Variants in TRPM3 observed in about 807,000 individuals in gnomAD.
TRPM3 encodes transient receptor potential cation channel subfamily M member 3, also known as long transient receptor potential channel 3.
TRPM3 carries 77 observed loss-of-function variants against 181.2 expected under a neutral mutation model. The ratio of observed to expected loss-of-function variants is 0.42; its 90% CI spans 0.35 to 0.51. TRPM3 has a LOEUF of 0.51. Among genes scored for constraint, TRPM3 ranks in the 20% least tolerant of loss-of-function variants. The pLI, the probability that TRPM3 is intolerant of heterozygous loss-of-function variation, is 0.01. For synonymous variants in TRPM3, 745 were observed against 796.4 expected, an observed-to-expected ratio of 0.94 and a Z score of 1.09; for missense variants, 1,759 against 2,196.7, an observed-to-expected ratio of 0.80 and a Z score of 3.98.
chr9:70,939,365 A>AT lies in TRPM3; in HGVS notation c.178-74855dup, dbSNP rs147766991. 5.1e-3 allele frequency among the ~76,000 whole-genome samples: 773 copies of AT among 152,238 alleles called. 8 individuals carry two copies. Among genetic ancestry groups the AT allele is most frequent in the African/African-American group, 0.018 (756 of 41,534 alleles). On this transcript the variant is annotated intron_variant, in intron 1 of 25. Transcript: ENST00000677713. ...GAAACTTCTCTCAGGTGTCAATAGTATTTTCTCCCTTTTTCTCATATATGT... is the reference window on the plus strand; with the variant it reads ...GAAACTTCTCTCAGGTGTCAATAGTATTTTTCTCCCTTTTTCTCATATATGT...
At chr9:70,829,445 A>T (rs1204312662) in intron 5 of TRPM3, among the ~76,000 whole-genome samples, 1 of 152,184 alleles carries the variant, frequency 6.6e-6, no homozygotes, top group African/African-American at 2.4e-5. Context: ...ATTGAAAAAA[A>T]ATCCTTTCTT....
intron 1 of TRPM3, among the ~76,000 whole-genome samples, chr9:71,214,751 A>G (rs557004918): frequency 2.6e-5 from 4 of 152,168 alleles, no homozygotes; most frequent in South Asian, 4.1e-4. Flanking sequence ...GACTAACAAC[A>G]TATTCCTGAA....
intron 6 of TRPM3, among the ~76,000 whole-genome samples, chr9:70,786,940 C>T (rs1163712226): frequency 3.9e-5 from 6 of 152,086 alleles, no homozygotes; most frequent in Non-Finnish European, 4.4e-5. Context: ...TCAGTGTTCT[C>T]GTGGAGGGAG....
At chr9:71,078,258 A>AGAAGG (rs557584999) in intron 1 of TRPM3, among the ~76,000 whole-genome samples, 50 of 152,194 alleles carry the variant, frequency 3.3e-4, no homozygotes, top group Non-Finnish European at 6.5e-4. Context: ...AATGAGACAG[A>AGAAGG]GAAGGGTATC....
chr9:70,783,552 AG>A (rs887649499), intron 7 of TRPM3, among the ~76,000 whole-genome samples: 10 of 152,146 alleles, frequency 6.6e-5, no homozygotes, highest in African/African-American at 9.7e-5. Flanking sequence ...AAAGGGCATG[AG>A]GGGTTCAACA....
At chr9:71,427,043 T>G (rs2093876271) in intron 1 of TRPM3, among the ~76,000 whole-genome samples, 1 of 152,218 alleles carries the variant, frequency 6.6e-6, no homozygotes, top group Non-Finnish European at 1.5e-5. Flanking sequence ...GTATTGCTCC[T>G]GGTTAGTGCA....
intron 1 of TRPM3, among the ~76,000 whole-genome samples, chr9:71,361,487 C>T (rs1430203919): frequency 6.6e-6 from 1 of 152,104 alleles, no homozygotes; most frequent in Non-Finnish European, 1.5e-5. Context: ...ATGCTTTGTC[C>T]CTGTGCCTGA....
intron 1 of TRPM3, among the ~76,000 whole-genome samples, chr9:71,117,371 A>G (rs77287164): frequency 0.014 from 2,085 of 152,268 alleles, 40 homozygotes; most frequent in African/African-American, 0.048. Flanking sequence ...AGGTGGGTGA[A>G]AATGTAATCG....
intron 1 of TRPM3, among the ~76,000 whole-genome samples, chr9:71,317,800 T>G (rs574273267): frequency 4.5e-4 from 69 of 152,342 alleles, no homozygotes; most frequent in Middle Eastern, 3.4e-3. Flanking sequence ...AAAATACTTT[T>G]GTATTTATAA....
At chr9:70,602,876 C>A (rs17055375) in intron 20 of TRPM3, among the ~76,000 whole-genome samples, 1 of 152,108 alleles carries the variant, frequency 6.6e-6, no homozygotes, top group Non-Finnish European at 1.5e-5. Context: ...CCAGCAGGTA[C>A]GAGCAGAATG....
chr9:70,933,196 A>G (rs1265849124), intron 1 of TRPM3, among the ~76,000 whole-genome samples: 1 of 152,154 alleles, frequency 6.6e-6, no homozygotes, highest in Non-Finnish European at 1.5e-5. Context: ...TAAGGTAGAG[A>G]TATCTAGGAG....
chr9:70,673,283 A>ATT (rs10671256), intron 9 of TRPM3, among the ~76,000 whole-genome samples: 98,641 of 151,444 alleles, frequency 0.65, 32,443 homozygotes, highest in African/African-American at 0.74. Context: ...CTGATGACCA[A>ATT]TTTGCTTCAT....
intron 1 of TRPM3, among the ~76,000 whole-genome samples, chr9:71,016,732 AT>A (rs921982421): frequency 2.1e-4 from 32 of 151,492 alleles, no homozygotes; most frequent in Middle Eastern, 3.4e-3. Context: ...TTATGATACA[AT>A]TTTTTTTTCC....
intron 1 of TRPM3, among the ~76,000 whole-genome samples, chr9:71,431,676 A>G (rs1043413877): frequency 1.3e-5 from 2 of 152,196 alleles, no homozygotes; most frequent in African/African-American, 4.8e-5. Context: ...ACCTTTTCCC[A>G]GCTGACCTTG....
chr9:71,009,157 A>G (rs2097709644), intron 1 of TRPM3, among the ~76,000 whole-genome samples: 1 of 152,174 alleles, frequency 6.6e-6, no homozygotes, highest in African/African-American at 2.4e-5. Flanking sequence ...GATCTGGAAC[A>G]AGACAAGGGT....
chr9:70,901,037 C>T (rs1374243245), intron 1 of TRPM3, among the ~76,000 whole-genome samples: 2 of 152,196 alleles, frequency 1.3e-5, no homozygotes, highest in Non-Finnish European at 2.9e-5. Flanking sequence ...TGCCTTAACA[C>T]TATCCTTTGC....
At chr9:71,063,793 C>T (rs897615238) in intron 1 of TRPM3, among the ~76,000 whole-genome samples, 4 of 152,098 alleles carry the variant, frequency 2.6e-5, no homozygotes, top group Admixed American at 6.6e-5. Flanking sequence ...GATAAAGAAA[C>T]ACCGCCAAAG....
intron 1 of TRPM3, among the ~76,000 whole-genome samples, chr9:71,395,231 C>T (rs1436032200): frequency 6.6e-6 from 1 of 152,180 alleles, no homozygotes; most frequent in East Asian, 1.9e-4. Flanking sequence ...TTCAGTGTAT[C>T]CCTAGTCTGT....
At chr9:71,151,423 G>C (rs1407127512) in intron 1 of TRPM3, among the ~76,000 whole-genome samples, 1 of 151,966 alleles carries the variant, frequency 6.6e-6, no homozygotes, top group Non-Finnish European at 1.5e-5. Context: ...TAAAAGTACA[G>C]ATACCATTGT....
Sources: gnomAD v4.1 joint callset for allele counts (sites outside exome capture counted in the v4.1 genomes callset) on GRCh38, gnomAD v4.1.1 for gene constraint, MANE v1.5 for transcripts, NCBI Gene and HGNC (gene_info 2026-07-23, HGNC 2026-07-21) for gene names.